The following INTS6L variants were observed in gnomAD, a reference collection of about 807,000 sequenced individuals.
INTS6L encodes the protein integrator complex subunit 6-like.
A neutral mutation model predicts 64.7 loss-of-function variants in INTS6L; 18 were observed. The observed-to-expected ratio is 0.28, with a 90% CI of 0.19 to 0.41. The LOEUF (loss-of-function observed/expected upper bound fraction) is 0.41. Ranked by LOEUF, INTS6L falls within the 10% of genes least tolerant of loss-of-function variation. The pLI is 1.00. For missense variants in INTS6L, 533 were observed against 661.0 expected (o/e 0.81, Z 2.12); for synonymous variants, 227 against 235.9 (o/e 0.96, Z 0.34).
At chrX:135,551,400 G>C (rs2086500098) in intron 7 of INTS6L, among the ~76,000 whole-genome samples, 1 of 112,337 alleles carries the variant, frequency 8.9e-6, no homozygotes, top group African/African-American at 3.2e-5. Flanking sequence ...CCCAGCTCCA[G>C]CTATTCAAGG....
intron 2 of INTS6L, among the ~76,000 whole-genome samples, chrX:135,539,467 A>C (rs2086139842): frequency 8.9e-6 from 1 of 112,005 alleles, no homozygotes; most frequent in South Asian, 3.7e-4. Context: ...GGAATGTTGT[A>C]GCTGATTTGA....
Position 135,573,938 on chromosome X carries a change from G to A in INTS6L, c.1618-1G>A. ...GAAATTATTTGTTTCATTTCAAATA[G>A]GATTTGAAACCTCAGACATACAGAA... On this transcript the variant is annotated splice_acceptor_variant, in intron 12 of 17. Coordinates refer to ENST00000639893, the MANE Select transcript of INTS6L (RefSeq NM_001351601.3). LOFTEE classifies it high-confidence loss of function. 1 of 1,187,043 alleles carries A rather than the reference G, an allele frequency of 8.4e-7. No homozygotes were observed. The highest frequency in any genetic ancestry group is 1.1e-6 in the Non-Finnish European group (1 of 886,820).
intron 9 of INTS6L, among the ~76,000 whole-genome samples, chrX:135,568,462 A>G (rs1395117101): frequency 9.0e-6 from 1 of 111,244 alleles, no homozygotes; most frequent in African/African-American, 3.3e-5. Flanking sequence ...ATGTGTGATC[A>G]TGGAAATAAA....
intron 9 of INTS6L, among the ~76,000 whole-genome samples, 189 bp from the exon 10 acceptor site, chrX:135,569,148 T>C (rs1350048236): frequency 8.9e-6 from 1 of 111,923 alleles, no homozygotes; most frequent in Non-Finnish European, 1.9e-5. Context: ...CTTAAGAATT[T>C]ATTTCATTTT....
chrX:135,547,339 A>G (rs1206809441), intron 6 of INTS6L, 74 bp downstream of exon 6: 29 of 1,071,201 alleles, frequency 2.7e-5, no homozygotes, highest in Non-Finnish European at 3.5e-5. Flanking sequence ...ATTACTATAG[A>G]CACAGTCTTC....
intron 11 of INTS6L, chrX:135,572,115 T>G (rs1434040299): frequency 8.9e-6 from 1 of 112,154 alleles, no homozygotes; most frequent in African/African-American, 3.2e-5. Context: ...ATTTAATAAC[T>G]GGGTCACCAG....
At chrX:135,531,609 A>G (rs781919586) in intron 2 of INTS6L, among the ~76,000 whole-genome samples, 1 of 111,853 alleles carries the variant, frequency 8.9e-6, no homozygotes, top group Non-Finnish European at 1.9e-5. Context: ...TGCTTTGACC[A>G]CTGTACCAGC....
rs782798560 is a variant in INTS6L at position 135,544,289 on chromosome X, C to T, written c.190-1134C>T. Among the ~76,000 whole-genome samples the T allele has an allele frequency of 3.1e-4, 35 of 112,251 alleles. 1 individual carries two copies. The South Asian group carries it at 9.0e-3, about 29-fold the overall frequency. ...AACAGGGTTCATAGCCAATAACCTG[C>T]CCCCTTTCTTACTTCCCAGTCATTC... On this transcript the variant is annotated intron_variant, in intron 2 of 17. Coordinates refer to ENST00000639893, the MANE Select transcript of INTS6L (RefSeq NM_001351601.3).
intron 9 of INTS6L, among the ~76,000 whole-genome samples, chrX:135,557,821 A>G (rs2086679976): frequency 8.9e-6 from 1 of 112,432 alleles, no homozygotes; most frequent in Non-Finnish European, 1.9e-5. Context: ...AAGCTTGTGC[A>G]TCAAGGGAGA....
chrX:135,526,016 A>G (rs2085725077), intron 2 of INTS6L, among the ~76,000 whole-genome samples: 1 of 112,109 alleles, frequency 8.9e-6, no homozygotes, highest in South Asian at 3.7e-4. Flanking sequence ...TCTGGGCAAT[A>G]CAATCTTCAG....
At position 135,581,723 on chromosome X, in the gene INTS6L, T is replaced by G; in HGVS notation, c.*87T>G. ...GTTGAAGCCTCCTGGAATGTTTGAG[T>G]CAAGGGAATTGCTTTCCAGATGCTA... On this transcript the variant is annotated 3_prime_UTR_variant, in exon 18 of 18. Coordinates refer to ENST00000639893, the MANE Select transcript of INTS6L (RefSeq NM_001351601.3). 1.3e-6 allele frequency: 1 copy of G among 767,875 alleles called. No individual in the cohort carries two copies. The highest frequency in any genetic ancestry group is 2.1e-5 in the African/African-American group (1 of 47,106). 63.3% of individuals were successfully genotyped at this position (767,875 alleles called of 1,213,427 possible). A position where few individuals can be genotyped will look rare whatever the true frequency, so the allele number is the denominator to read the frequency against.
chrX:135,569,225 G>A lies in INTS6L; in HGVS notation c.1193-112G>A, dbSNP rs781818276. 1.1e-5 allele frequency: 4 copies of A among 367,593 alleles called. No individual in the cohort carries two copies. The East Asian group carries it at 1.4e-4, about 13-fold the overall frequency. 30.3% of individuals were successfully genotyped at this position (367,593 alleles called of 1,213,427 possible). ...CACTAAAAAAGATAATCAAATAAAC[G>A]CCAATGAAATTTTCATCTACATTAA... On this transcript the variant is annotated intron_variant, in intron 9 of 17. Coordinates refer to ENST00000639893, the MANE Select transcript of INTS6L (RefSeq NM_001351601.3).
intron 2 of INTS6L, among the ~76,000 whole-genome samples, chrX:135,544,346 A>G (rs2086300801): frequency 8.9e-6 from 1 of 111,924 alleles, no homozygotes; most frequent in Admixed American, 9.4e-5. Flanking sequence ...AAGACCATGA[A>G]ACCAGAAAAG....
At chrX:135,578,463 G>A (rs1569514469) in intron 15 of INTS6L, among the ~76,000 whole-genome samples, 2 of 111,671 alleles carry the variant, frequency 1.8e-5, no homozygotes, top group African/African-American at 6.5e-5. Context: ...GCTCTAGATT[G>A]TAGTGTTTGC....
chrX:135,545,625 G>T, intron 3 of INTS6L, 53 bp downstream of exon 3: 1 of 1,118,010 alleles, frequency 8.9e-7, no homozygotes, highest in Non-Finnish European at 1.2e-6. Context: ...CTTGGGGTAA[G>T]AATTTAAAAT....
Position 135,558,557 on chromosome X carries a change from C to T in INTS6L, c.1192+2257C>T, listed in dbSNP as rs966842467. Reference sequence around the variant, plus strand: ...GACAAATATTGTATGATTCCACTTACATGAGGTATTAAAAGTAGTCAAACT... The same window carrying T: ...GACAAATATTGTATGATTCCACTTATATGAGGTATTAAAAGTAGTCAAACT... On this transcript the variant is annotated intron_variant, in intron 9 of 17. Coordinates refer to ENST00000639893, the MANE Select transcript of INTS6L (RefSeq NM_001351601.3). Among the ~76,000 whole-genome samples, 8 of 111,296 alleles carry T rather than the reference C, an allele frequency of 7.2e-5. 1 individual carries two copies. The highest frequency in any genetic ancestry group is 1.5e-4 in the Non-Finnish European group (8 of 53,058).
chrX:135,579,310 G>A (rs1451063663), intron 15 of INTS6L, among the ~76,000 whole-genome samples: 2 of 112,063 alleles, frequency 1.8e-5, no homozygotes, highest in African/African-American at 6.5e-5. Flanking sequence ...GGGATTTTTG[G>A]TGATGGAGTG....
At chrX:135,563,824 T>C (rs187354092) in intron 9 of INTS6L, among the ~76,000 whole-genome samples, 1 of 109,881 alleles carries the variant, frequency 9.1e-6, no homozygotes, top group East Asian at 2.8e-4. Context: ...GGTATTGTTT[T>C]TCTTTGCTTT....
Position 135,573,930 on chromosome X carries a change from T to A in INTS6L, c.1618-9T>A, listed in dbSNP as rs2087155153. 1 of 1,182,941 alleles carries A rather than the reference T, an allele frequency of 8.5e-7. No homozygotes were observed. Among genetic ancestry groups the A allele is most frequent in the South Asian group, 1.9e-5 (1 of 52,312 alleles). On this transcript the variant is annotated splice_polypyrimidine_tract_variant and intron_variant, in intron 12 of 17. Transcript: ENST00000639893. ...GAGTAACTGAAATTATTTGTTTCAT[T>A]TCAAATAGGATTTGAAACCTCAGAC...
Sources: allele counts gnomAD v4.1 joint callset (sites outside exome capture counted in the v4.1 genomes callset), GRCh38; gene constraint gnomAD v4.1.1; transcripts MANE v1.5; gene names NCBI Gene and HGNC (gene_info 2026-07-23, HGNC 2026-07-21).